The following SYK variants were observed in gnomAD, a reference collection of about 807,000 sequenced individuals.
SYK encodes the protein tyrosine-protein kinase SYK.
SYK carries 16 observed loss-of-function variants against 77.8 expected under a neutral mutation model. The ratio of observed to expected loss-of-function variants is 0.21; its 90% CI spans 0.14 to 0.31. The LOEUF (loss-of-function observed/expected upper bound fraction) is 0.31, where lower values mean the gene tolerates loss of function less well. Among genes scored for constraint, SYK ranks in the 10% least tolerant of loss-of-function variants. The pLI is 1.00. For missense variants in SYK, 529 were observed against 814.4 expected (o/e 0.65, Z 4.26); for synonymous variants, 312 against 308.7 (o/e 1.01, Z -0.11).
At chr9:90,863,549 T>G (rs1382472450) in intron 4 of SYK, among the ~76,000 whole-genome samples, 2 of 152,236 alleles carry the variant, frequency 1.3e-5, no homozygotes, top group African/African-American at 4.8e-5. Flanking sequence ...TATGATCATA[T>G]TAAAAAATGT....
At chr9:90,828,653 T>C (rs1825767716) in intron 1 of SYK, among the ~76,000 whole-genome samples, 1 of 152,178 alleles carries the variant, frequency 6.6e-6, no homozygotes, top group Non-Finnish European at 1.5e-5. Context: ...TGTTAATTAT[T>C]CACAAAAGCT....
intron 11 of SYK, among the ~76,000 whole-genome samples, chr9:90,884,248 CACATACACATACACAT>C (rs1828305450): frequency 1.7e-5 from 1 of 59,068 alleles, no homozygotes; most frequent in East Asian, 4.1e-4. Flanking sequence ...TGTATATATA[CACATACACATACACAT>C]ACGTGTATAT....
intron 1 of SYK, among the ~76,000 whole-genome samples, chr9:90,812,395 C>T (rs887144840): frequency 1.3e-5 from 2 of 152,178 alleles, no homozygotes; most frequent in Admixed American, 1.3e-4. Context: ...CAGCAGCTCA[C>T]CCAAAGGTGT....
intron 1 of SYK, among the ~76,000 whole-genome samples, chr9:90,812,025 A>G (rs1825100449): frequency 6.6e-6 from 1 of 152,018 alleles, no homozygotes. Flanking sequence ...TTATACATGC[A>G]TTTCTGCCTA....
chr9:90,831,151 T>G (rs1825876209), intron 1 of SYK, among the ~76,000 whole-genome samples: 1 of 152,174 alleles, frequency 6.6e-6, no homozygotes, highest in African/African-American at 2.4e-5. Context: ...CCCCACTGTC[T>G]CTGTATGATA....
chr9:90,811,516 A>G (rs1384319276), intron 1 of SYK, among the ~76,000 whole-genome samples: 1 of 152,212 alleles, frequency 6.6e-6, no homozygotes, highest in Non-Finnish European at 1.5e-5. Context: ...TTGGAATCCT[A>G]TGCAGTCTTC....
At chr9:90,888,475 T>TA in intron 12 of SYK, 40 bp from the exon 13 acceptor site, 31 of 1,472,138 alleles carry the variant, frequency 2.1e-5, no homozygotes, top group Admixed American at 4.7e-5. Flanking sequence ...ACTAACACCT[T>TA]TAAAAAAAAA....
In SYK at chr9:90,859,501, A is replaced by T. The variant is rs1827170013; in HGVS notation, c.579-2705A>T. 2.0e-5 allele frequency among the ~76,000 whole-genome samples: 3 copies of T among 152,328 alleles called. No individual in the cohort carries two copies. The South Asian group carries it at 6.2e-4, about 32-fold the overall frequency. Reference sequence around the variant, plus strand: ...AGTATTGTGTGAATTCCTACAATTTACTTGCTCTGTGGTCACTTACGTTGT... The same window carrying T: ...AGTATTGTGTGAATTCCTACAATTTTCTTGCTCTGTGGTCACTTACGTTGT... On this transcript the variant is annotated intron_variant, in intron 3 of 13. Coordinates refer to ENST00000375754, the MANE Select transcript of SYK (RefSeq NM_003177.7).
chr9:90,852,462 A>C (rs1826856246), intron 3 of SYK, among the ~76,000 whole-genome samples: 1 of 152,210 alleles, frequency 6.6e-6, no homozygotes, highest in African/African-American at 2.4e-5. Context: ...TCATCTTATA[A>C]ATGATCTTAG....
At chr9:90,871,500 C>T (rs567868777) in intron 7 of SYK, among the ~76,000 whole-genome samples, 55 of 152,304 alleles carry the variant, frequency 3.6e-4, no homozygotes, top group African/African-American at 1.3e-3. Context: ...TCATTCTTTA[C>T]AAACTCCTCA....
intron 13 of SYK, among the ~76,000 whole-genome samples, chr9:90,889,118 C>T (rs1231241663): frequency 2.0e-5 from 3 of 152,228 alleles, no homozygotes; most frequent in African/African-American, 4.8e-5. Flanking sequence ...GTGGTGGCCT[C>T]AGTCCACCCT....
intron 7 of SYK, among the ~76,000 whole-genome samples, chr9:90,873,008 G>A (rs975926436): frequency 2.0e-4 from 31 of 152,194 alleles, no homozygotes; most frequent in African/African-American, 3.6e-4. Flanking sequence ...CTTTAGCCTT[G>A]TCAACAGGCT....
At chr9:90,846,663 AG>A (rs1227832312) in intron 3 of SYK, among the ~76,000 whole-genome samples, 1 of 78,532 alleles carries the variant, frequency 1.3e-5, no homozygotes, top group Non-Finnish European at 2.6e-5. Context: ...TCTCAAAAAA[AG>A]AAAAAAAGAA....
At chr9:90,863,403 A>G (rs1210313478) in intron 4 of SYK, among the ~76,000 whole-genome samples, 1 of 152,180 alleles carries the variant, frequency 6.6e-6, no homozygotes, top group Non-Finnish European at 1.5e-5. Context: ...GACTCAACTC[A>G]AAATCCTGTC....
intron 11 of SYK, among the ~76,000 whole-genome samples, chr9:90,885,606 T>G (rs1828533944): frequency 6.6e-6 from 1 of 152,144 alleles, no homozygotes; most frequent in East Asian, 1.9e-4. Flanking sequence ...AGATTAGAAA[T>G]CCTATTTAAT....
intron 1 of SYK, among the ~76,000 whole-genome samples, chr9:90,824,813 A>G (rs2118445403): frequency 6.6e-6 from 1 of 152,182 alleles, no homozygotes; most frequent in East Asian, 1.9e-4. Context: ...GATACTGAAA[A>G]CAAGGTAAGA....
At chr9:90,887,961 C>A in intron 12 of SYK, 72 bp downstream of exon 12, 1 of 1,458,774 alleles carries the variant, frequency 6.9e-7, no homozygotes, top group African/African-American at 1.5e-5. Flanking sequence ...GTCTTTACAA[C>A]AACCTGAAAA....
chr9:90,894,275 C>T (rs1009140889), intron 13 of SYK, among the ~76,000 whole-genome samples: 1 of 152,186 alleles, frequency 6.6e-6, no homozygotes, highest in East Asian at 1.9e-4. Context: ...GTACCAGAGG[C>T]TTGGCCACCA....
intron 1 of SYK, among the ~76,000 whole-genome samples, chr9:90,806,873 T>C (rs1165476316): frequency 1.3e-5 from 2 of 151,018 alleles, no homozygotes; most frequent in African/African-American, 4.9e-5. Flanking sequence ...ACCAACATTT[T>C]ATTATCTGAG....
Sources: allele counts gnomAD v4.1 joint callset (sites outside exome capture counted in the v4.1 genomes callset), GRCh38; gene constraint gnomAD v4.1.1; transcripts MANE v1.5; gene names NCBI Gene and HGNC (gene_info 2026-07-23, HGNC 2026-07-21).